The following PTPN6 variants were observed in gnomAD, a reference collection of about 807,000 sequenced individuals.
The protein encoded by PTPN6 is protein tyrosine phosphatase non-receptor type 6, also known as tyrosine-protein phosphatase non-receptor type 6.
In PTPN6, 18 loss-of-function variants were observed where a neutral mutation model predicts 81.5. The ratio of observed to expected loss-of-function variants is 0.22; its 90% CI spans 0.15 to 0.33. The LOEUF (loss-of-function observed/expected upper bound fraction) is 0.33. Among genes scored for constraint, PTPN6 ranks in the 10% least tolerant of loss-of-function variants. The probability of loss-of-function intolerance (pLI) is 1.00; values close to 1 mark genes in which losing one functional copy is unlikely to be tolerated. For synonymous variants in PTPN6, 301 were observed against 310.9 expected, an observed-to-expected ratio of 0.97 and a Z score of 0.33; for missense variants, 500 against 794.2, an observed-to-expected ratio of 0.63 and a Z score of 4.45.
chr12:6,960,600 G>T lies in PTPN6; in HGVS notation c.1673+165G>T. ...ATAAGCATTTCCTGAGTGCCCACAC[G>T]TGTGGGCCTCTGCTAGGTACCAGCA... On this transcript the variant is annotated intron_variant, in intron 14 of 15. Coordinates refer to ENST00000318974, the MANE Select transcript of PTPN6 (RefSeq NM_002831.6). This position sits in a 1 kb window ranked among gnomAD's most constrained non-coding sequence, Gnocchi z 6.1. The T allele has an allele frequency of 6.8e-7, 1 of 1,476,396 alleles. No individual in the cohort carries two copies. Among genetic ancestry groups the T allele is most frequent in the Non-Finnish European group, 9.3e-7 (1 of 1,079,932 alleles). The allele number at this position is 1,476,396 out of a possible 1,614,324, so 91.5% of individuals were successfully genotyped here. A position where few individuals can be genotyped will look rare whatever the true frequency, so the allele number is the denominator to read the frequency against.
At position 6,952,463 on chromosome 12, in the gene PTPN6, G is replaced by T; in HGVS notation, c.326+286G>T. On this transcript the variant is annotated intron_variant, in intron 3 of 15. Transcript: ENST00000318974. This position sits in a 1 kb window ranked among gnomAD's most constrained non-coding sequence, Gnocchi z 8.1. ...TGCAACCCAGGTCCCACTGGAGACA[G>T]GGAGGCCACTGCTGGTGGCCAGCAT... 1.9e-6 allele frequency: 1 copy of T among 525,018 alleles called. No individual in the cohort carries two copies. Among genetic ancestry groups the T allele is most frequent in the Non-Finnish European group, 3.5e-6 (1 of 289,020 alleles). The allele number at this position is 525,018 out of a possible 1,614,324, so 32.5% of individuals were successfully genotyped here. A position where few individuals can be genotyped will look rare whatever the true frequency, so the allele number is the denominator to read the frequency against.
At chr12:6,946,620 G>A, upstream of PTPN6, 1 of 900,728 alleles carries the variant, frequency 1.1e-6, no homozygotes, top group East Asian at 2.6e-5. Flanking sequence ...GCTGATTACT[G>A]AGCGGTTCTT....
rs1591693644 is a variant in PTPN6, at chr12:6,960,272, G to GC, written c.1581+33_1581+34insC. ...CAGAGCAGGGCCTGGGGGGGGGGGG[G>GC]GCTGCAGTGCAGGATGGGTGCCACC... On this transcript the variant is annotated intron_variant, in intron 13 of 15. Transcript: ENST00000318974. The surrounding 1 kb of genome is among the most constrained non-coding windows in gnomAD (Gnocchi z 6.1). The GC allele has an allele frequency of 4.4e-6, 7 of 1,599,744 alleles. No homozygotes were observed. In the East Asian group the frequency reaches 1.3e-4, roughly 31 times the overall value.
chr12:6,957,158 C>A lies in PTPN6; in HGVS notation c.1075-496C>A, dbSNP rs1565583261. 2.0e-5 allele frequency among the ~76,000 whole-genome samples: 3 copies of A among 152,232 alleles called. No individual in the cohort carries two copies. On this transcript the variant is annotated intron_variant, in intron 9 of 15. Transcript: ENST00000318974. This position sits in a 1 kb window ranked among gnomAD's most constrained non-coding sequence, Gnocchi z 6.5. Reference sequence around the variant, plus strand: ...AAGCTCATTTTCTGCTAGGAAATGACTCTCTCCACACTATCTCTGCCTGGC... The same window carrying A: ...AAGCTCATTTTCTGCTAGGAAATGAATCTCTCCACACTATCTCTGCCTGGC...
In PTPN6 at chr12:6,960,060, A is replaced by G. The variant is rs1946102325; in HGVS notation, c.1430-28A>G. 2 of 1,613,194 alleles carry G rather than the reference A, an allele frequency of 1.2e-6. No individual in the cohort carries two copies. The highest frequency in any genetic ancestry group is 1.7e-6 in the Non-Finnish European group (2 of 1,179,960). On this transcript the variant is annotated intron_variant, in intron 12 of 15. Coordinates refer to ENST00000318974, the MANE Select transcript of PTPN6 (RefSeq NM_002831.6). This position sits in a 1 kb window ranked among gnomAD's most constrained non-coding sequence, Gnocchi z 6.1. ...CCCCTCGGTGTCCGCCTATGCCTGG[A>G]CCTGAGGTTTGACTGCCCCCCACCC...
rs182198998 is a variant in PTPN6, at chr12:6,960,334, C to G, written c.1582-10C>G. 2.8e-4 allele frequency: 459 copies of G among 1,612,998 alleles called. 3 individuals are homozygous for G. The African/African-American group carries it at 5.4e-3, about 19-fold the overall frequency. The stretch of plus-strand genomic sequence containing the variant: ...GGACCACCACCTTCCCACTGTCCCT[C>G]TGCCCACAGTCGCAGAAGGGCCAGG... On this transcript the variant is annotated splice_polypyrimidine_tract_variant and intron_variant, in intron 13 of 15. Coordinates refer to ENST00000318974, the MANE Select transcript of PTPN6 (RefSeq NM_002831.6). The surrounding 1 kb of genome is among the most constrained non-coding windows in gnomAD (Gnocchi z 6.1).
upstream of PTPN6, chr12:6,951,280 C>A: frequency 6.9e-7 from 1 of 1,449,592 alleles, no homozygotes; most frequent in South Asian, 1.4e-5. This position sits in a 1 kb window ranked among gnomAD's most constrained non-coding sequence, Gnocchi z 7.2. Context: ...TGCTCTAAAA[C>A]GAGAAGTACA....
rs781880414 is a variant in PTPN6 at position 6,956,132 on chromosome 12, C to T, written c.845-10C>T. ...CCAGACCATCTCGCCTCCTCTCCGCCCACTCCCAGTTGACCACAGCCGAGT... is the reference window on the plus strand; with the variant it reads ...CCAGACCATCTCGCCTCCTCTCCGCTCACTCCCAGTTGACCACAGCCGAGT... On this transcript the variant is annotated splice_polypyrimidine_tract_variant and intron_variant, in intron 7 of 15. Coordinates refer to ENST00000318974, the MANE Select transcript of PTPN6 (RefSeq NM_002831.6). The surrounding 1 kb of genome is among the most constrained non-coding windows in gnomAD (Gnocchi z 4.1). The T allele has an allele frequency of 6.2e-7, 1 of 1,614,126 alleles. No individual in the cohort carries two copies.
chr12:6,960,555 G>C lies in PTPN6; in HGVS notation c.1673+120G>C. On this transcript the variant is annotated intron_variant, in intron 14 of 15. Coordinates refer to ENST00000318974, the MANE Select transcript of PTPN6 (RefSeq NM_002831.6). The surrounding 1 kb of genome is among the most constrained non-coding windows in gnomAD (Gnocchi z 6.1). Reference sequence around the variant, plus strand: ...GGGACCTGGCTTCAAGTTCAGGCTTGGTTCTCACCCCTTCTGTTCATAAGC... The same window carrying C: ...GGGACCTGGCTTCAAGTTCAGGCTTCGTTCTCACCCCTTCTGTTCATAAGC... 2 of 1,425,670 alleles carry C rather than the reference G, an allele frequency of 1.4e-6. No homozygotes were observed. The highest frequency in any genetic ancestry group is 2.4e-5 in the South Asian group (2 of 81,900). 88.3% of individuals were successfully genotyped at this position (1,425,670 alleles called of 1,614,324 possible). A position where few individuals can be genotyped will look rare whatever the true frequency, so the allele number is the denominator to read the frequency against.
rs112530808 is a variant in PTPN6 at position 6,958,660 on chromosome 12, C to T, written c.1361+587C>T. Among the ~76,000 whole-genome samples, 34 of 152,254 alleles carry T rather than the reference C, an allele frequency of 2.2e-4. 1 individual carries two copies. The highest frequency in any genetic ancestry group is 7.2e-4 in the African/African-American group (30 of 41,532). ...CACATAACTCCTCTGTCTATCTACC[C>T]GCATGTTTGTGATCAGGAGACCTCT... On this transcript the variant is annotated intron_variant, in intron 11 of 15. Coordinates refer to ENST00000318974, the MANE Select transcript of PTPN6 (RefSeq NM_002831.6).
chr12:6,959,880 CG>C lies in PTPN6; in HGVS notation c.1362-43del. ...GCTGAGCGCTGGGTACCCCCCTTCC[CG>C]GGGAGGGCTTGACTGGCCTCTGATG... On this transcript the variant is annotated intron_variant, in intron 11 of 15. Coordinates refer to ENST00000318974, the MANE Select transcript of PTPN6 (RefSeq NM_002831.6). The surrounding 1 kb of genome is among the most constrained non-coding windows in gnomAD (Gnocchi z 6.6). 1 of 1,603,100 alleles carries C rather than the reference CG, an allele frequency of 6.2e-7. No individual in the cohort carries two copies. Among genetic ancestry groups the C allele is most frequent in the Non-Finnish European group, 8.5e-7 (1 of 1,173,292 alleles).
rs1187186354 is a variant in PTPN6 at position 6,956,906 on chromosome 12, C to T, written c.1074+338C>T. Among the ~76,000 whole-genome samples, 8 of 152,288 alleles carry T rather than the reference C, an allele frequency of 5.3e-5. No individual in the cohort carries two copies. In the East Asian group the frequency reaches 1.5e-3, roughly 29 times the overall value. ...TACCCTGCAGGCTCCCCCTACACAG[C>T]ACCCTCTGTGCTGCCATTGAAGTGA... On this transcript the variant is annotated intron_variant, in intron 9 of 15. Coordinates refer to ENST00000318974, the MANE Select transcript of PTPN6 (RefSeq NM_002831.6). This position sits in a 1 kb window ranked among gnomAD's most constrained non-coding sequence, Gnocchi z 4.1.
In PTPN6 at chr12:6,957,840, T is replaced by A; in HGVS notation, c.1206+55T>A. 1 of 1,613,988 alleles carries A rather than the reference T, an allele frequency of 6.2e-7. No individual in the cohort carries two copies. Among genetic ancestry groups the A allele is most frequent in the Non-Finnish European group, 8.5e-7 (1 of 1,179,986 alleles). ...CGGGAGTCCCTCCCTGGACTTGTTC[T>A]CCTCTCTGGTCGGGTAGGGTGAGAT... On this transcript the variant is annotated intron_variant, in intron 10 of 15. Transcript: ENST00000318974. This position sits in a 1 kb window ranked among gnomAD's most constrained non-coding sequence, Gnocchi z 6.5.
At position 6,956,298 on chromosome 12, in the gene PTPN6, G is replaced by C; in HGVS notation, c.924+77G>C. ...GTCTGGTGGGGGGACCCTAGATCCA[G>C]AGACAGCTGGGCAAAGCCGAAGCTG... On this transcript the variant is annotated intron_variant, in intron 8 of 15. Coordinates refer to ENST00000318974, the MANE Select transcript of PTPN6 (RefSeq NM_002831.6). This position sits in a 1 kb window ranked among gnomAD's most constrained non-coding sequence, Gnocchi z 4.1. The C allele has an allele frequency of 6.2e-7, 1 of 1,610,118 alleles. No individual in the cohort carries two copies. The highest frequency in any genetic ancestry group is 1.7e-4 in the Middle Eastern group (1 of 6,054).
rs1555148396 is a variant in PTPN6 at position 6,955,245 on chromosome 12, G to A, written c.611G>A (p.Gly204Asp). 1 of 1,614,216 alleles carries A rather than the reference G, an allele frequency of 6.2e-7. No individual in the cohort carries two copies. Among genetic ancestry groups the A allele is most frequent in the Non-Finnish European group, 8.5e-7 (1 of 1,180,032 alleles). ...AAGACGGGGATTGAGGAGGCCTCAG[G>A]CGCCTTTGTCTACCTGCGGCAGGTC... ...FKKTGIEEAS[G>D]AFVYLRQPYY... Residue 204 changes from glycine to aspartate, a missense_variant, in exon 5 of 16, where the codon GGC (glycine) becomes GAC (aspartate). Gly to Asp is a moderately conservative substitution (Grantham distance 94). This residue lies in a region of PTPN6 where 96 missense variants were observed against 137.3 expected (regional missense o/e 0.70). Transcript: ENST00000318974. The surrounding 1 kb of genome is among the most constrained non-coding windows in gnomAD (Gnocchi z 7.2).
Position 6,954,999 on chromosome 12 carries a change from G to A in PTPN6, c.516+5G>A. On this transcript the variant is annotated splice_donor_5th_base_variant and intron_variant, in intron 4 of 15. Transcript: ENST00000318974. The surrounding 1 kb of genome is among the most constrained non-coding windows in gnomAD (Gnocchi z 5.4). Reference sequence around the variant, plus strand: ...CACATCAAGGTCATGTGCGAGGTAAGGCAGCCAGGCGGCGGGGGAGCCTCT... The same window carrying A: ...CACATCAAGGTCATGTGCGAGGTAAAGCAGCCAGGCGGCGGGGGAGCCTCT... 5.0e-6 allele frequency: 8 copies of A among 1,614,088 alleles called. No homozygotes were observed. Among genetic ancestry groups the A allele is most frequent in the Non-Finnish European group, 6.8e-6 (8 of 1,180,024 alleles).
At chr12:6,946,838 G>A, upstream of PTPN6, 1 of 1,306,408 alleles carries the variant, frequency 7.7e-7, no homozygotes, top group Admixed American at 1.9e-5. Context: ...ACGTGAGTGC[G>A]ATCTGCCGCT....
rs901726193 is a variant in PTPN6, at chr12:6,956,316, C to T, written c.924+95C>T. On this transcript the variant is annotated intron_variant, in intron 8 of 15. Coordinates refer to ENST00000318974, the MANE Select transcript of PTPN6 (RefSeq NM_002831.6). The surrounding 1 kb of genome is among the most constrained non-coding windows in gnomAD (Gnocchi z 4.1). ...AGATCCAGAGACAGCTGGGCAAAGC[C>T]GAAGCTGGCTTCTTGCATGGGTGAG... 3.9e-5 allele frequency: 63 copies of T among 1,610,110 alleles called. No homozygotes were observed. Among genetic ancestry groups the T allele is most frequent in the East Asian group, 6.7e-5 (3 of 44,882 alleles).
At chr12:6,947,684 A>G (rs1030906542), upstream of PTPN6, among the ~76,000 whole-genome samples, 57 of 151,668 alleles carry the variant, frequency 3.8e-4, no homozygotes, top group African/African-American at 7.7e-4. Context: ...AAAAAAAAAA[A>G]AAAGAAAATG....
Sources: allele counts gnomAD v4.1 joint callset (sites outside exome capture counted in the v4.1 genomes callset), GRCh38; gene constraint gnomAD v4.1.1; regional missense constraint gnomAD v4.1.1; non-coding constraint Gnocchi (gnomAD v3.1); transcripts MANE v1.5; gene names NCBI Gene and HGNC (gene_info 2026-07-23, HGNC 2026-07-21).